The following TNS1 variants were observed in gnomAD, a reference collection of about 807,000 sequenced individuals.
TNS1 encodes tensin-1.
Under a neutral mutation model 168.6 loss-of-function variants are expected in TNS1, and 62 were observed. The observed-to-expected ratio is 0.37, with a 90% CI of 0.30 to 0.45. The LOEUF (loss-of-function observed/expected upper bound fraction) is 0.45. Among genes scored for constraint, TNS1 ranks in the 20% least tolerant of loss-of-function variants. TNS1 has a pLI of 1.00. For synonymous variants in TNS1, 934 were observed against 933.2 expected, an observed-to-expected ratio of 1.00 and a Z score of -0.02; for missense variants, 2,240 against 2,339.4, an observed-to-expected ratio of 0.96 and a Z score of 0.88.
At chr2:217,858,305 T>C (rs1298231956) in intron 18 of TNS1, among the ~76,000 whole-genome samples, 3 of 151,580 alleles carry the variant, frequency 2.0e-5, no homozygotes, top group Admixed American at 2.0e-4. Flanking sequence ...GCCCGTCACA[T>C]CCACATCAGA....
intron 18 of TNS1, among the ~76,000 whole-genome samples, chr2:217,860,700 A>C (rs1465457176): frequency 2.6e-5 from 4 of 152,250 alleles, no homozygotes; most frequent in Admixed American, 2.6e-4. Flanking sequence ...CATTTAACTT[A>C]AACTAGTTCT....
chr2:217,898,100 C>CCCAAGG (rs1473126389), intron 7 of TNS1, 131 bp from the exon 8 acceptor site: 6 of 1,117,380 alleles, frequency 5.4e-6, no homozygotes, highest in Non-Finnish European at 4.8e-6. Flanking sequence ...TGCTCTTCAA[C>CCCAAGG]CCAAGGCCAA....
In TNS1 at chr2:217,804,288, CT is replaced by C. The variant is rs753222050; in HGVS notation, c.*170del. The C allele has an allele frequency of 1.2e-5, 8 of 682,114 alleles. No individual in the cohort carries two copies. Among genetic ancestry groups the C allele is most frequent in the East Asian group, 2.9e-5 (1 of 34,124 alleles). The allele number at this position is 682,114 out of a possible 1,614,324, so 42.3% of individuals were successfully genotyped here. A position where few individuals can be genotyped will look rare whatever the true frequency, so the allele number is the denominator to read the frequency against. On this transcript the variant is annotated 3_prime_UTR_variant, in exon 33 of 33. Coordinates refer to ENST00000682258, the MANE Select transcript of TNS1 (RefSeq NM_001387777.1). ...TCTCTCTCTCTCTCTCTCTCTCTCTCTTTTCCCCCTCCCCTCTGCAATTCAC... is the reference window on the plus strand; with the variant it reads ...TCTCTCTCTCTCTCTCTCTCTCTCTCTTTCCCCCTCCCCTCTGCAATTCAC...
intron 18 of TNS1, among the ~76,000 whole-genome samples, chr2:217,863,485 G>T (rs1305118790): frequency 6.6e-6 from 1 of 152,028 alleles, no homozygotes; most frequent in African/African-American, 2.4e-5. Context: ...CAATTGTATT[G>T]GTCCCAAATG....
chr2:217,874,860 CAA>C (rs1352368922), intron 18 of TNS1, among the ~76,000 whole-genome samples: 1 of 152,170 alleles, frequency 6.6e-6, no homozygotes, highest in Non-Finnish European at 1.5e-5. Flanking sequence ...CTCAGAAAGG[CAA>C]AGTTACTTGG....
At position 217,817,728 on chromosome 2, in the gene TNS1, GAGA is replaced by G. The variant is rs777017366; in HGVS notation, c.4601_4603del (p.Phe1534del). 3 of 1,607,578 alleles carry G rather than the reference GAGA, an allele frequency of 1.9e-6. No individual in the cohort carries two copies. Among genetic ancestry groups the G allele is most frequent in the Non-Finnish European group, 2.6e-6 (3 of 1,175,070 alleles). ...CTTGGAGAAGTCGGGCAGAGTGTGG[GAGA>G]AGGAGACGGTGCTGCCCCCACTGGG... On this transcript the variant is annotated inframe_deletion, in exon 24 of 33. Transcript: ENST00000682258.
chr2:217,905,761 C>T (rs1004298952), intron 6 of TNS1, among the ~76,000 whole-genome samples: 17 of 152,218 alleles, frequency 1.1e-4, no homozygotes, highest in African/African-American at 3.1e-4. Context: ...CTGGAAGAGA[C>T]CCCGAGCCCT....
chr2:217,939,803 C>T (rs1033807241), intron 3 of TNS1, among the ~76,000 whole-genome samples: 8 of 152,226 alleles, frequency 5.3e-5, no homozygotes, highest in Non-Finnish European at 8.8e-5. Flanking sequence ...TGGCTCAGGC[C>T]CACCCACCAC....
chr2:217,886,686 G>A (rs1951235351), intron 12 of TNS1, 40 bp from the exon 13 acceptor site: 3 of 1,433,724 alleles, frequency 2.1e-6, no homozygotes, highest in Non-Finnish European at 2.9e-6. Flanking sequence ...AGTGAGGTGG[G>A]TACTGGTGCA....
intron 18 of TNS1, among the ~76,000 whole-genome samples, chr2:217,870,796 C>A (rs1949706416): frequency 6.6e-6 from 1 of 152,212 alleles, no homozygotes; most frequent in African/African-American, 2.4e-5. Context: ...ATGCCAGCTG[C>A]CTCGCAGAGC....
chr2:217,977,041 C>T (rs1957913605), intron 3 of TNS1, among the ~76,000 whole-genome samples: 2 of 152,204 alleles, frequency 1.3e-5, no homozygotes, highest in South Asian at 4.1e-4. Context: ...ATGTTTTATG[C>T]TCTAAAGGAA....
rs1553628683 is a variant in TNS1 at position 218,031,135 on chromosome 2, T to TGA, written c.156+2684_156+2685insTC. ...GTGTGTGTGAGCATGTCTGTGTGTG[T>TGA]GTGTGTATGTGTTGTGTGAGCATGT... On this transcript the variant is annotated intron_variant, in intron 1 of 1. Coordinates refer to the TNS1 transcript ENST00000649572. 4.2e-3 allele frequency among the ~76,000 whole-genome samples: 594 copies of TGA among 139,900 alleles called. 3 individuals are homozygous for TGA. Among genetic ancestry groups the TGA allele is most frequent in the Non-Finnish European group, 7.6e-3 (481 of 63,368 alleles). 91.8% of individuals were successfully genotyped at this position (139,900 alleles called of 152,430 possible).
chr2:217,936,463 T>C (rs929420764), intron 3 of TNS1, among the ~76,000 whole-genome samples: 5 of 152,178 alleles, frequency 3.3e-5, no homozygotes, highest in Admixed American at 2.6e-4. Flanking sequence ...GATGGTATGC[T>C]GGAAGGAAGC....
intron 3 of TNS1, among the ~76,000 whole-genome samples, chr2:217,968,374 T>C (rs2126021774): frequency 6.6e-6 from 1 of 152,294 alleles, no homozygotes; most frequent in Admixed American, 6.5e-5. Context: ...GGACATCATC[T>C]TGTATGTAGA....
rs555845921 is a variant in TNS1 at position 218,032,769 on chromosome 2, C to T, written c.156+1051G>A. 5.9e-5 allele frequency among the ~76,000 whole-genome samples: 9 copies of T among 152,162 alleles called. No individual in the cohort carries two copies. Among genetic ancestry groups the T allele is most frequent in the Non-Finnish European group, 1.3e-4 (9 of 68,012 alleles). ...CACTGGAGCCAGAGTCAGGGCACAG[C>T]AGCTGGGATGGAGCTTGATCCCCAC... On this transcript the variant is annotated intron_variant, in intron 1 of 1. Coordinates refer to the TNS1 transcript ENST00000649572. This position sits in a 1 kb window ranked among gnomAD's most constrained non-coding sequence, Gnocchi z 4.0.
chr2:217,960,984 C>T (rs1159254747), intron 3 of TNS1, among the ~76,000 whole-genome samples: 7 of 152,086 alleles, frequency 4.6e-5, no homozygotes, highest in Non-Finnish European at 1.0e-4. Flanking sequence ...GATGCCAAGG[C>T]CCCATCAGTG....
intron 3 of TNS1, among the ~76,000 whole-genome samples, chr2:217,936,122 T>C (rs960205116): frequency 8.5e-5 from 13 of 152,196 alleles, no homozygotes; most frequent in African/African-American, 2.7e-4. Flanking sequence ...CCAGGCCACG[T>C]AGAGCCAGGC....
intron 12 of TNS1, chr2:217,890,604 C>T (rs922277246): frequency 3.3e-6 from 1 of 304,894 alleles, no homozygotes; most frequent in Non-Finnish European, 6.3e-6. Context: ...TGCAGTCTCC[C>T]GTAGACTCAT....
chr2:217,881,422 C>A (rs1009912367), intron 17 of TNS1: 3 of 173,818 alleles, frequency 1.7e-5, no homozygotes, highest in East Asian at 3.1e-4. Context: ...TTATGAGCTA[C>A]GTGGGATCAG....
Sources: allele counts gnomAD v4.1 joint callset (sites outside exome capture counted in the v4.1 genomes callset), GRCh38; gene constraint gnomAD v4.1.1; non-coding constraint Gnocchi (gnomAD v3.1); transcripts MANE v1.5; gene names NCBI Gene and HGNC (gene_info 2026-07-23, HGNC 2026-07-21).